Variants in CNTNAP2 observed in about 807,000 individuals in gnomAD.
CNTNAP2 encodes contactin-associated protein-like 2.
Under a neutral mutation model 155.2 loss-of-function variants are expected in CNTNAP2, and 98 were observed. That is an observed-to-expected ratio of 0.63 (90% CI 0.54 to 0.75). CNTNAP2 has a LOEUF of 0.75. CNTNAP2 is among the 30% of genes least tolerant of loss of function. The probability of loss-of-function intolerance (pLI) is 0.00; values close to 1 mark genes in which losing one functional copy is unlikely to be tolerated. For missense variants in CNTNAP2, 1,727 were observed against 1,688.1 expected (o/e 1.02, Z -0.40); for synonymous variants, 651 against 631.2 (o/e 1.03, Z -0.47).
At chr7:147,511,659 A>G (rs1584781654) in intron 11 of CNTNAP2, among the ~76,000 whole-genome samples, 1 of 152,098 alleles carries the variant, frequency 6.6e-6, no homozygotes, top group Non-Finnish European at 1.5e-5. Context: ...AAACAGACCC[A>G]TAGCTCCCCA....
At chr7:146,836,369 T>G (rs1278091344) in intron 2 of CNTNAP2, among the ~76,000 whole-genome samples, 2 of 152,208 alleles carry the variant, frequency 1.3e-5, no homozygotes, top group Non-Finnish European at 2.9e-5. Flanking sequence ...TATGTACTGC[T>G]CTTCATACTA....
chr7:148,031,563 G>C (rs922383556), intron 15 of CNTNAP2, among the ~76,000 whole-genome samples: 1 of 152,162 alleles, frequency 6.6e-6, no homozygotes, highest in Non-Finnish European at 1.5e-5. Flanking sequence ...CTACTTAATA[G>C]AAAGTAAATC....
intron 13 of CNTNAP2, among the ~76,000 whole-genome samples, chr7:147,716,265 A>G (rs140552674): frequency 6.8e-4 from 104 of 152,296 alleles, no homozygotes; most frequent in Admixed American, 5.3e-3. Flanking sequence ...ATGCAGACAC[A>G]CAGAGTGAGG....
At chr7:148,051,670 T>C (rs192092859) in intron 15 of CNTNAP2, among the ~76,000 whole-genome samples, 10 of 152,264 alleles carry the variant, frequency 6.6e-5, no homozygotes, top group Admixed American at 6.5e-4. Context: ...TAAACAGGGA[T>C]GAAGACAAAT....
chr7:146,804,214 G>T (rs1216996562), intron 2 of CNTNAP2, among the ~76,000 whole-genome samples: 1 of 152,100 alleles, frequency 6.6e-6, no homozygotes, highest in Non-Finnish European at 1.5e-5. Context: ...GTAATCATAT[G>T]ATTGTGTTTT....
chr7:148,322,889 A>C (rs1041991584), intron 21 of CNTNAP2, among the ~76,000 whole-genome samples: 1 of 150,962 alleles, frequency 6.6e-6, no homozygotes, highest in Non-Finnish European at 1.5e-5. Context: ...TTTTTCTAAA[A>C]TCTATCCATC....
intron 1 of CNTNAP2, among the ~76,000 whole-genome samples, chr7:146,673,582 T>G (rs1800345808): frequency 6.6e-6 from 1 of 152,184 alleles, no homozygotes; most frequent in Non-Finnish European, 1.5e-5. Flanking sequence ...ACAACCATAC[T>G]TCAATCACAC....
chr7:147,416,276 T>A lies in CNTNAP2; in HGVS notation c.1670+20496T>A, dbSNP rs1250303905. ...TGATTAAGGCCACACAGCCTGAAAC[T>A]CATGCGTGATCATGAGCAGCTTGGC... On this transcript the variant is annotated intron_variant, in intron 10 of 23. Transcript: ENST00000361727. Among the ~76,000 whole-genome samples, 4 of 152,260 alleles carry A rather than the reference T, an allele frequency of 2.6e-5. No homozygotes were observed. The South Asian group carries it at 6.2e-4, about 24-fold the overall frequency.
chr7:146,428,298 C>T (rs143377376), intron 1 of CNTNAP2, among the ~76,000 whole-genome samples: 3 of 152,124 alleles, frequency 2.0e-5, no homozygotes, highest in Non-Finnish European at 2.9e-5. Context: ...ATTTCTGCCT[C>T]TAGGTATTTG....
chr7:147,854,633 G>A (rs1318178953), intron 13 of CNTNAP2, among the ~76,000 whole-genome samples: 2 of 152,114 alleles, frequency 1.3e-5, no homozygotes, highest in Non-Finnish European at 2.9e-5. Flanking sequence ...CCAGCACAGT[G>A]GTTCCTAGCC....
intron 15 of CNTNAP2, among the ~76,000 whole-genome samples, chr7:148,000,903 G>A (rs958943125): frequency 1.4e-4 from 22 of 152,184 alleles, no homozygotes; most frequent in African/African-American, 4.8e-4. Flanking sequence ...TGAAGGATCT[G>A]GGGGAGGATC....
Position 147,848,521 on chromosome 7 carries a change from G to A in CNTNAP2, c.2099-55044G>A, listed in dbSNP as rs759357536. On this transcript the variant is annotated intron_variant, in intron 13 of 23. Coordinates refer to ENST00000361727, the MANE Select transcript of CNTNAP2 (RefSeq NM_014141.6). ...TGGCACTCCCTAGTGAGATGAACCC[G>A]GTACCTCAGATGGAAATGCAGAAAT... Among the ~76,000 whole-genome samples, 375 of 150,892 alleles carry A rather than the reference G, an allele frequency of 2.5e-3. 2 individuals carry two copies. The highest frequency in any genetic ancestry group is 4.2e-3 in the Non-Finnish European group (282 of 67,676).
chr7:147,601,644 A>AAAAAAAAAAATAT (rs1299075338), intron 12 of CNTNAP2, among the ~76,000 whole-genome samples: 6 of 87,466 alleles, frequency 6.9e-5, no homozygotes, highest in African/African-American at 2.6e-4. Flanking sequence ...CTTAAAAAAA[A>AAAAAAAAAAATAT]ATATATATAT....
chr7:146,381,460 G>A (rs1795388481), intron 1 of CNTNAP2, among the ~76,000 whole-genome samples: 1 of 152,068 alleles, frequency 6.6e-6, no homozygotes, highest in South Asian at 2.1e-4. Context: ...ACCTTGGGGA[G>A]GTCATTTAAA....
chr7:146,420,525 C>A (rs181767608), intron 1 of CNTNAP2, among the ~76,000 whole-genome samples: 1 of 151,912 alleles, frequency 6.6e-6, no homozygotes, highest in Non-Finnish European at 1.5e-5. Flanking sequence ...AGTTTTCTGG[C>A]AATATTAATG....
chr7:147,413,609 T>C (rs1797139819), intron 10 of CNTNAP2, among the ~76,000 whole-genome samples: 1 of 152,112 alleles, frequency 6.6e-6, no homozygotes, highest in Admixed American at 6.5e-5. Context: ...TGAGAATGAG[T>C]ATTTTAGTTC....
rs1799269670 is a variant in CNTNAP2, at chr7:146,225,009, T to C, written c.97+108036T>C. Among the ~76,000 whole-genome samples the C allele has an allele frequency of 2.6e-5, 4 of 152,350 alleles. No homozygotes were observed. The South Asian group carries it at 8.3e-4, about 32-fold the overall frequency. On this transcript the variant is annotated intron_variant, in intron 1 of 23. Coordinates refer to ENST00000361727, the MANE Select transcript of CNTNAP2 (RefSeq NM_014141.6). ...AGAAAAAAAAAATCCTATTGGTGTTTTTATGTGATTACATTTAGGGAGAAA... is the reference window on the plus strand; with the variant it reads ...AGAAAAAAAAAATCCTATTGGTGTTCTTATGTGATTACATTTAGGGAGAAA...
intron 1 of CNTNAP2, among the ~76,000 whole-genome samples, chr7:146,541,640 G>T (rs1273655793): frequency 6.6e-6 from 1 of 151,852 alleles, no homozygotes; most frequent in Non-Finnish European, 1.5e-5. Context: ...TTAAGAGTGA[G>T]GTTATTAAAC....
intron 1 of CNTNAP2, among the ~76,000 whole-genome samples, chr7:146,483,138 T>C (rs531525862): frequency 6.7e-6 from 1 of 150,220 alleles, no homozygotes; most frequent in African/African-American, 2.4e-5. Flanking sequence ...TAGCCGGGCA[T>C]GGTGGCGGGC....
Sources: gnomAD v4.1 joint callset for allele counts (sites outside exome capture counted in the v4.1 genomes callset) on GRCh38, gnomAD v4.1.1 for gene constraint, MANE v1.5 for transcripts, NCBI Gene and HGNC (gene_info 2026-07-23, HGNC 2026-07-21) for gene names.